MCU: variants seen among roughly 807,000 people sequenced by gnomAD.
MCU encodes calcium uniporter protein, mitochondrial.
MCU carries 12 observed loss-of-function variants against 45.2 expected under a neutral mutation model. The ratio of observed to expected loss-of-function variants is 0.27; its 90% CI spans 0.17 to 0.43. MCU has a LOEUF of 0.43. Among genes scored for constraint, MCU ranks in the 20% least tolerant of loss-of-function variants. The pLI, the probability that MCU is intolerant of heterozygous loss-of-function variation, is 1.00. For missense variants in MCU, 324 were observed against 436.7 expected, an observed-to-expected ratio of 0.74 and a Z score of 2.30; for synonymous variants, 160 against 165.1, an observed-to-expected ratio of 0.97 and a Z score of 0.24.
intron 1 of MCU, among the ~76,000 whole-genome samples, chr10:72,768,206 A>G (rs932648858): frequency 6.6e-6 from 1 of 152,206 alleles, no homozygotes; most frequent in Non-Finnish European, 1.5e-5. Flanking sequence ...ATCTTTCTTA[A>G]ATTCTGTTTC....
chr10:72,824,213 T>C (rs895500144), intron 1 of MCU, among the ~76,000 whole-genome samples: 1 of 136,120 alleles, frequency 7.3e-6, no homozygotes, highest in East Asian at 2.0e-4. Flanking sequence ...TTTTTTTTTT[T>C]GAGATGGAAT....
chr10:72,756,411 TA>T (rs370175269), intron 1 of MCU: 2 of 152,366 alleles, frequency 1.3e-5, no homozygotes, highest in East Asian at 3.9e-4. Flanking sequence ...CATTTTTCAG[TA>T]GATTGCTCTA....
chr10:72,734,818 A>G (rs1843229792), intron 1 of MCU, among the ~76,000 whole-genome samples: 2 of 151,574 alleles, frequency 1.3e-5, no homozygotes, highest in Admixed American at 6.6e-5. Context: ...AGGTCTCACT[A>G]TGTTGCCCAG....
chr10:72,797,976 C>A (rs1844277148), intron 1 of MCU, among the ~76,000 whole-genome samples: 1 of 152,062 alleles, frequency 6.6e-6, no homozygotes, highest in Non-Finnish European at 1.5e-5. Flanking sequence ...AGCTGTTAGA[C>A]CTTGTACATT....
intron 1 of MCU, among the ~76,000 whole-genome samples, chr10:72,794,608 C>G (rs1035671241): frequency 1.3e-5 from 2 of 152,210 alleles, no homozygotes; most frequent in Non-Finnish European, 2.9e-5. Context: ...TCAGTCCAAG[C>G]TGATATAATT....
chr10:72,768,683 T>A (rs1470836746), intron 1 of MCU, among the ~76,000 whole-genome samples: 7 of 152,208 alleles, frequency 4.6e-5, no homozygotes, highest in Non-Finnish European at 7.3e-5. Flanking sequence ...AAGACACTGT[T>A]ATTTATTAGC....
At chr10:72,836,079 C>A (rs1300956076) in intron 2 of MCU, among the ~76,000 whole-genome samples, 1 of 151,900 alleles carries the variant, frequency 6.6e-6, no homozygotes, top group Non-Finnish European at 1.5e-5. Flanking sequence ...TTCTGACTTA[C>A]TCCATTACCA....
chr10:72,810,997 T>C (rs1370337437), intron 1 of MCU, among the ~76,000 whole-genome samples: 1 of 152,172 alleles, frequency 6.6e-6, no homozygotes, highest in Non-Finnish European at 1.5e-5. Flanking sequence ...TGAAAAGACT[T>C]GGTAACTTCT....
intron 2 of MCU, among the ~76,000 whole-genome samples, chr10:72,857,164 A>G (rs1305418256): frequency 6.6e-6 from 1 of 152,064 alleles, no homozygotes. Context: ...TTTATGTATC[A>G]TGTAATATGC....
chr10:72,693,023 T>A, intron 1 of MCU: 1 of 1,536,156 alleles, frequency 6.5e-7, no homozygotes, highest in Non-Finnish European at 8.7e-7. Flanking sequence ...CACGCGTGCC[T>A]GAAGCGGGAA....
chr10:72,744,231 C>CT lies in MCU; in HGVS notation c.150+51946dup, dbSNP rs76110060. Among the ~76,000 whole-genome samples the CT allele has an allele frequency of 9.9e-3, 1,086 of 109,478 alleles. 5 individuals are homozygous for CT. Among genetic ancestry groups the CT allele is most frequent in the African/African-American group, 0.011 (326 of 29,896 alleles). 71.8% of individuals were successfully genotyped at this position (109,478 alleles called of 152,430 possible). A position where few individuals can be genotyped will look rare whatever the true frequency, so the allele number is the denominator to read the frequency against. ...TTCATTTTTCAGGTATCCAAAGATG[C>CT]TTTTTTTTTTTTTTTTAAAGATTTT... is the stretch of plus-strand genomic sequence containing the variant. On this transcript the variant is annotated intron_variant, in intron 1 of 7. Transcript: ENST00000373053.
chr10:72,801,051 C>T (rs1373668802), intron 1 of MCU, among the ~76,000 whole-genome samples: 10 of 152,092 alleles, frequency 6.6e-5, no homozygotes, highest in African/African-American at 2.4e-4. Flanking sequence ...ATTGATTGCA[C>T]CACTGCACCC....
intron 6 of MCU, among the ~76,000 whole-genome samples, chr10:72,873,430 T>C (rs552031769): frequency 3.1e-4 from 47 of 152,350 alleles, no homozygotes; most frequent in Non-Finnish European, 4.9e-4. Flanking sequence ...TCAGATCTTT[T>C]GCCTATATTT....
At chr10:72,761,564 AC>A (rs2132723344) in intron 1 of MCU, among the ~76,000 whole-genome samples, 1 of 152,304 alleles carries the variant, frequency 6.6e-6, no homozygotes, top group African/African-American at 2.4e-5. Context: ...TTCTTTCTCA[AC>A]TGTGATGACT....
chr10:72,861,903 C>A (rs1221787894), intron 4 of MCU: 3 of 269,178 alleles, frequency 1.1e-5, no homozygotes, highest in Non-Finnish European at 2.2e-5. Flanking sequence ...ACTAATATTT[C>A]TTTTCATCCT....
At position 72,810,020 on chromosome 10, in the gene MCU, GTT is replaced by G. The variant is rs561834291; in HGVS notation, c.151-24337_151-24336del. Among the ~76,000 whole-genome samples, 819 of 111,002 alleles carry G rather than the reference GTT, an allele frequency of 7.4e-3. 4 individuals are homozygous for G. Among genetic ancestry groups the G allele is most frequent in the African/African-American group, 0.019 (780 of 40,102 alleles). The allele number at this position is 111,002 out of a possible 152,430, so 72.8% of individuals were successfully genotyped here. ...CTTCTGTGTGTGCATGTGTGTGTGT[GTT>G]TGTATGTGTGTGCGCGTGAACATAT... On this transcript the variant is annotated intron_variant, in intron 1 of 7. Coordinates refer to ENST00000373053, the MANE Select transcript of MCU (RefSeq NM_138357.3).
intron 1 of MCU, among the ~76,000 whole-genome samples, chr10:72,802,031 A>C (rs139226291): frequency 2.2e-4 from 33 of 152,232 alleles, no homozygotes; most frequent in African/African-American, 7.2e-4. Flanking sequence ...TAAGCCACCT[A>C]TGTGGTCTTT....
At chr10:72,860,295 AG>A (rs1845356652) in intron 3 of MCU, 127 bp from the exon 4 acceptor site, 1 of 722,428 alleles carries the variant, frequency 1.4e-6, no homozygotes, top group Non-Finnish European at 2.3e-6. Context: ...ATAGGAAATG[AG>A]GCAAAAAGTT....
chr10:72,692,327 G>A (rs1428045925), intron 1 of MCU, 26 bp downstream of exon 1: 2 of 1,196,396 alleles, frequency 1.7e-6, no homozygotes, highest in Admixed American at 4.5e-5. Flanking sequence ...CGGAGGCTCC[G>A]GGGAGGGCGG....
Sources: allele counts gnomAD v4.1 joint callset (sites outside exome capture counted in the v4.1 genomes callset), GRCh38; gene constraint gnomAD v4.1.1; transcripts MANE v1.5; gene names NCBI Gene and HGNC (gene_info 2026-07-23, HGNC 2026-07-21).